Variants in DNER observed in about 807,000 individuals in gnomAD.
The protein encoded by DNER is delta/notch like EGF repeat containing.
Under a neutral mutation model 78.2 loss-of-function variants are expected in DNER, and 33 were observed. That is an observed-to-expected ratio of 0.42 (90% CI 0.32 to 0.56). DNER has a LOEUF of 0.56. Among genes scored for constraint, DNER ranks in the 20% least tolerant of loss-of-function variants. DNER has a pLI of 0.11. For synonymous variants in DNER, 417 were observed against 384.8 expected, an observed-to-expected ratio of 1.08 and a Z score of -0.98; for missense variants, 918 against 975.3, an observed-to-expected ratio of 0.94 and a Z score of 0.78.
intron 4 of DNER, among the ~76,000 whole-genome samples, chr2:229,554,295 C>T (rs1417329324): frequency 2.0e-5 from 3 of 152,200 alleles, no homozygotes; most frequent in Admixed American, 2.0e-4. Context: ...TGGTGGCTCA[C>T]ACCTGTAGTC....
At position 229,367,166 on chromosome 2, in the gene DNER, G is replaced by A. The variant is rs781223791; in HGVS notation, c.1856-47C>T. 6.8e-6 allele frequency: 11 copies of A among 1,608,472 alleles called. No individual in the cohort carries two copies. The Admixed American group carries it at 8.4e-5, about 12-fold the overall frequency. ...TGGCTGGGTATGAGTTGTCACCTTT[G>A]AGAATGAGAAGGCCTTTTTCATCTT... On this transcript the variant is annotated intron_variant, in intron 11 of 12. Transcript: ENST00000341772.
intron 6 of DNER, among the ~76,000 whole-genome samples, chr2:229,508,551 A>G (rs1389801537): frequency 6.6e-6 from 1 of 152,232 alleles, no homozygotes. Flanking sequence ...TTAAAAATAA[A>G]TGTTTCTATA....
chr2:229,464,032 T>G (rs1694754338), intron 7 of DNER, among the ~76,000 whole-genome samples: 1 of 152,166 alleles, frequency 6.6e-6, no homozygotes, highest in Non-Finnish European at 1.5e-5. Context: ...CTATGATGTG[T>G]GCAGGTCAGA....
At chr2:229,645,941 T>C (rs996425240) in intron 1 of DNER, among the ~76,000 whole-genome samples, 5 of 152,230 alleles carry the variant, frequency 3.3e-5, no homozygotes, top group Non-Finnish European at 5.9e-5. Flanking sequence ...AAAAGAGGTC[T>C]AGTTCTCCCC....
At position 229,425,140 on chromosome 2, in the gene DNER, G is replaced by A. The variant is rs554626280; in HGVS notation, c.1487-6910C>T. ...GCCCTTGTGGGTTTGACATAACACA[G>A]TCCATGGGGTGACTCTCTCCTGTAC... On this transcript the variant is annotated intron_variant, in intron 8 of 12. Transcript: ENST00000341772. Among the ~76,000 whole-genome samples, 6 of 152,262 alleles carry A rather than the reference G, an allele frequency of 3.9e-5. No individual in the cohort carries two copies. In the South Asian group the frequency reaches 1.2e-3, roughly 32 times the overall value.
intron 1 of DNER, among the ~76,000 whole-genome samples, chr2:229,642,858 G>A (rs1024832242): frequency 1.3e-5 from 2 of 152,190 alleles, no homozygotes; most frequent in Non-Finnish European, 1.5e-5. Flanking sequence ...CCAATGTAGT[G>A]AGAGCATTAC....
intron 1 of DNER, among the ~76,000 whole-genome samples, chr2:229,684,169 A>AGAGAGAGT (rs1184050138): frequency 7.4e-5 from 7 of 94,602 alleles, no homozygotes; most frequent in African/African-American, 3.2e-4. Context: ...AGAGAGAGAG[A>AGAGAGAGT]GTGTGTGTGT....
intron 4 of DNER, among the ~76,000 whole-genome samples, chr2:229,572,676 A>G (rs909339194): frequency 2.6e-5 from 4 of 152,214 alleles, no homozygotes; most frequent in Non-Finnish European, 4.4e-5. Context: ...GAGAGAATTT[A>G]AGAAAGCAGG....
intron 6 of DNER, among the ~76,000 whole-genome samples, chr2:229,503,739 T>A (rs1039180580): frequency 6.6e-6 from 1 of 152,194 alleles, no homozygotes; most frequent in Non-Finnish European, 1.5e-5. Flanking sequence ...ACTTTTTTGT[T>A]GCTTGTTTGC....
Position 229,546,939 on chromosome 2 carries a change from C to A in DNER, c.993+8G>T. On this transcript the variant is annotated splice_region_variant and intron_variant, in intron 5 of 12. Coordinates refer to ENST00000341772, the MANE Select transcript of DNER (RefSeq NM_139072.4). ...TGTGTATTTACAAGCTACCAGGCAT[C>A]CCCTTACCTCTGACGGCTTCGTGGT... is the stretch of plus-strand genomic sequence containing the variant. 1 of 1,614,024 alleles carries A rather than the reference C, an allele frequency of 6.2e-7. No homozygotes were observed. Among genetic ancestry groups the A allele is most frequent in the Non-Finnish European group, 8.5e-7 (1 of 1,179,982 alleles).
rs546498100 is a variant in DNER at position 229,619,806 on chromosome 2, A to G, written c.277-27918T>C. ...TATTTTAAATAATTAAATAATAGTG[A>G]ATATAAACTTACTACATTAAATAAT... On this transcript the variant is annotated intron_variant, in intron 1 of 12. Transcript: ENST00000341772. Among the ~76,000 whole-genome samples the G allele has an allele frequency of 1.3e-3, 197 of 152,342 alleles. 1 individual carries two copies. The highest frequency in any genetic ancestry group is 2.4e-3 in the Non-Finnish European group (165 of 68,032).
intron 2 of DNER, among the ~76,000 whole-genome samples, chr2:229,590,026 C>T (rs1697572619): frequency 7.7e-6 from 1 of 130,110 alleles, no homozygotes. Context: ...GACTCTAATA[C>T]ATGCTATGCA....
chr2:229,587,247 T>C (rs933476193), intron 3 of DNER: 4 of 153,310 alleles, frequency 2.6e-5, no homozygotes, highest in African/African-American at 7.2e-5. Flanking sequence ...GTTTCAGCTG[T>C]AGTCTGAGCA....
intron 1 of DNER, among the ~76,000 whole-genome samples, chr2:229,679,172 C>T (rs1190705121): frequency 6.6e-6 from 1 of 152,132 alleles, no homozygotes; most frequent in Non-Finnish European, 1.5e-5. Context: ...TGCCTCAGAC[C>T]TGCCTGAAGT....
intron 1 of DNER, among the ~76,000 whole-genome samples, chr2:229,631,411 T>C (rs1235251079): frequency 6.6e-6 from 1 of 152,190 alleles, no homozygotes; most frequent in Non-Finnish European, 1.5e-5. Flanking sequence ...AAGAACTCTC[T>C]TCTACTCTGA....
At chr2:229,381,451 G>A (rs1002599020) in intron 11 of DNER, among the ~76,000 whole-genome samples, 4 of 152,104 alleles carry the variant, frequency 2.6e-5, no homozygotes, top group Non-Finnish European at 5.9e-5. Context: ...CTGGAAAGGT[G>A]GCTGCAACCA....
At chr2:229,385,279 T>C (rs997111814) in intron 11 of DNER, among the ~76,000 whole-genome samples, 15 of 152,104 alleles carry the variant, frequency 9.9e-5, no homozygotes, top group African/African-American at 3.4e-4. Flanking sequence ...TAACACACCT[T>C]CATGCTAAAA....
chr2:229,620,858 C>T (rs1698240893), intron 1 of DNER, among the ~76,000 whole-genome samples: 1 of 152,138 alleles, frequency 6.6e-6, no homozygotes, highest in African/African-American at 2.4e-5. Flanking sequence ...GGAGTCACAC[C>T]AGGGATGCCC....
At chr2:229,712,327 T>C (rs1699923997) in intron 1 of DNER, among the ~76,000 whole-genome samples, 1 of 152,242 alleles carries the variant, frequency 6.6e-6, no homozygotes, top group South Asian at 2.1e-4. Flanking sequence ...CTGTTAGTCA[T>C]CTTTAGGTGG....
Sources: gnomAD v4.1 joint callset for allele counts (sites outside exome capture counted in the v4.1 genomes callset) on GRCh38, gnomAD v4.1.1 for gene constraint, MANE v1.5 for transcripts, NCBI Gene and HGNC (gene_info 2026-07-23, HGNC 2026-07-21) for gene names.